SCP2: variants seen among roughly 807,000 people sequenced by gnomAD.
SCP2 encodes the protein sterol carrier protein 2, also known as SCP-2/3-oxoacyl-CoA thiolase.
A neutral mutation model predicts 71.4 loss-of-function variants in SCP2; 48 were observed. That is an observed-to-expected ratio of 0.67 (90% CI 0.53 to 0.86). SCP2 has a LOEUF of 0.86. Among genes scored for constraint, SCP2 ranks in the 40% least tolerant of loss-of-function variants. The probability of loss-of-function intolerance (pLI) is 0.00; values close to 1 mark genes in which losing one functional copy is unlikely to be tolerated. For missense variants in SCP2, 560 were observed against 655.6 expected (o/e 0.85, Z 1.59); for synonymous variants, 220 against 218.1 (o/e 1.01, Z -0.08).
chr1:53,031,185 A>G (rs1199091320), intron 13 of SCP2, among the ~76,000 whole-genome samples: 2 of 152,232 alleles, frequency 1.3e-5, no homozygotes, highest in African/African-American at 4.8e-5. Context: ...ACTATGAAGT[A>G]TGAGATATGG....
intron 11 of SCP2, among the ~76,000 whole-genome samples, chr1:53,003,038 C>T (rs1033246068): frequency 1.3e-5 from 2 of 152,168 alleles, no homozygotes; most frequent in Admixed American, 1.3e-4. Flanking sequence ...GGCCACCCAT[C>T]CTTGTTTCCA....
chr1:53,023,237 A>G (rs1255517199), intron 12 of SCP2, among the ~76,000 whole-genome samples: 1 of 152,236 alleles, frequency 6.6e-6, no homozygotes, highest in African/African-American at 2.4e-5. Context: ...CAAGCAAGAT[A>G]AAAGACACAC....
At chr1:53,006,624 A>T (rs2150217225) in intron 11 of SCP2, among the ~76,000 whole-genome samples, 1 of 152,358 alleles carries the variant, frequency 6.6e-6, no homozygotes, top group South Asian at 2.1e-4. Flanking sequence ...GAGCTCCTGA[A>T]GGAAGTACTA....
chr1:52,979,299 G>T (rs1658259453), intron 9 of SCP2, among the ~76,000 whole-genome samples: 1 of 151,874 alleles, frequency 6.6e-6, no homozygotes, highest in South Asian at 2.1e-4. Flanking sequence ...AGCCTCTCGA[G>T]AAAGTGGGAC....
Position 52,953,490 on chromosome 1 carries a change from C to T in SCP2, c.332-1250C>T, listed in dbSNP as rs563747005. On this transcript the variant is annotated intron_variant, in intron 4 of 15. Transcript: ENST00000371514. ...AAGTATTAATAATTGGGATCATAGG[C>T]GTGCGCCACCATACCCAACTAATTT... Among the ~76,000 whole-genome samples, 4 of 152,036 alleles carry T rather than the reference C, an allele frequency of 2.6e-5. No individual in the cohort carries two copies. In the East Asian group the frequency reaches 5.8e-4, roughly 22 times the overall value.
At chr1:52,927,585 A>T (rs1220533252) in intron 1 of SCP2, 120 bp downstream of exon 1, 2 of 770,056 alleles carry the variant, frequency 2.6e-6, no homozygotes, top group Non-Finnish European at 2.2e-6. Context: ...CGGCGTGGCG[A>T]CTTGGTGGCT....
chr1:53,037,245 T>A (rs1572221916), intron 13 of SCP2, among the ~76,000 whole-genome samples: 1 of 152,176 alleles, frequency 6.6e-6, no homozygotes, highest in Admixed American at 6.5e-5. Context: ...CTCTAAAAAT[T>A]TTTTTTCAAT....
rs766725358 is a variant in SCP2, at chr1:52,961,565, G to A, written c.459G>A (p.Leu153=). 3 of 1,613,612 alleles carry A rather than the reference G, an allele frequency of 1.9e-6. No individual in the cohort carries two copies. Among genetic ancestry groups the A allele is most frequent in the Admixed American group, 1.7e-5 (1 of 59,988 alleles). ...HVDLLINKYG[L]SAHPVAPQMF... ...ACCTCCTGATCAATAAGTATGGATT[G>A]TCTGCTCACCCAGTTGCTCCTCAGA... Residue 153 remains leucine, a synonymous_variant, in exon 6 of 16, where the codon TTG becomes TTA. Coordinates refer to ENST00000371514, the MANE Select transcript of SCP2 (RefSeq NM_002979.5).
Position 52,927,370 on chromosome 1 carries a change from C to T in SCP2, c.-27C>T. On this transcript the variant is annotated 5_prime_UTR_variant, in exon 1 of 16. Transcript: ENST00000371514. ...CAGTGCCGGCAGTCGTCCGCGGCGC[C>T]CGCCCCGGTCCCGCACTGGTGCAGC... is the stretch of plus-strand genomic sequence containing the variant. 2 of 1,561,722 alleles carry T rather than the reference C, an allele frequency of 1.3e-6. No individual in the cohort carries two copies. The highest frequency in any genetic ancestry group is 1.9e-5 in the Admixed American group (1 of 52,452).
intron 2 of SCP2, among the ~76,000 whole-genome samples, chr1:52,944,900 G>A (rs1654628344): frequency 6.6e-6 from 1 of 151,820 alleles, no homozygotes; most frequent in African/African-American, 2.4e-5. Flanking sequence ...ACCCGCCTCG[G>A]CCTCCCAAAG....
At chr1:52,965,012 A>AAAAC (rs201634217) in intron 6 of SCP2, among the ~76,000 whole-genome samples, 79 of 152,052 alleles carry the variant, frequency 5.2e-4, no homozygotes, top group East Asian at 1.7e-3. Context: ...CTCCATCTCA[A>AAAAC]AAACAAACAA....
chr1:52,964,214 CTT>C (rs200065864), intron 6 of SCP2, among the ~76,000 whole-genome samples: 22 of 134,634 alleles, frequency 1.6e-4, no homozygotes, highest in East Asian at 6.5e-4. Flanking sequence ...TCTTTTCTCT[CTT>C]TTTTTTTTTT....
intron 1 of SCP2, among the ~76,000 whole-genome samples, chr1:52,935,587 CA>C (rs35419796): frequency 1.5e-3 from 159 of 108,622 alleles, no homozygotes; most frequent in Middle Eastern, 4.8e-3. Flanking sequence ...GAGACTCAGT[CA>C]AAAAAAAAAA....
chr1:52,947,236 G>C (rs1367802626), intron 2 of SCP2, among the ~76,000 whole-genome samples: 1 of 81,896 alleles, frequency 1.2e-5, no homozygotes, highest in Admixed American at 1.7e-4. Context: ...GAGAGATGTT[G>C]TCCTTAAAAA....
At chr1:53,035,141 G>A (rs1662839877) in intron 13 of SCP2, among the ~76,000 whole-genome samples, 3 of 151,726 alleles carry the variant, frequency 2.0e-5, no homozygotes, top group African/African-American at 7.3e-5. Context: ...ATACCAAAAG[G>A]AAGAATTTTG....
intron 4 of SCP2, among the ~76,000 whole-genome samples, chr1:52,952,177 T>A (rs1190539340): frequency 6.6e-6 from 1 of 152,174 alleles, no homozygotes; most frequent in Non-Finnish European, 1.5e-5. Flanking sequence ...TTACTTTCTT[T>A]TTGTGGATTT....
chr1:53,037,884 A>ACGCGCG (rs147425374), intron 13 of SCP2, among the ~76,000 whole-genome samples: 3,415 of 70,168 alleles, frequency 0.049, 151 homozygotes, highest in African/African-American at 0.25. Context: ...CTACATACAC[A>ACGCGCG]CACACACACA....
At chr1:53,020,050 C>T (rs1661609908) in intron 12 of SCP2, among the ~76,000 whole-genome samples, 1 of 152,068 alleles carries the variant, frequency 6.6e-6, no homozygotes, top group African/African-American at 2.4e-5. Flanking sequence ...CCATGCCTGG[C>T]TAATTTTTGT....
chr1:52,994,977 G>A (rs1401591727), intron 11 of SCP2: 6 of 511,798 alleles, frequency 1.2e-5, no homozygotes, highest in Non-Finnish European at 2.0e-5. Flanking sequence ...TTGGCCAGGT[G>A]CTTAAACCAG....
Sources: gnomAD v4.1 joint callset for allele counts (sites outside exome capture counted in the v4.1 genomes callset) on GRCh38, gnomAD v4.1.1 for gene constraint, MANE v1.5 for transcripts, NCBI Gene and HGNC (gene_info 2026-07-23, HGNC 2026-07-21) for gene names.